The following TTLL8 variants were observed in gnomAD, a reference collection of about 807,000 sequenced individuals.
TTLL8 encodes protein monoglycylase TTLL8.
Under a neutral mutation model 77.8 loss-of-function variants are expected in TTLL8, and 65 were observed. The observed-to-expected ratio is 0.84, with a 90% CI of 0.68 to 1.03. The LOEUF is 1.03. TTLL8 is among the 50% of genes least tolerant of loss of function. The pLI is 0.00. For synonymous variants in TTLL8, 402 were observed against 422.8 expected (o/e 0.95, Z 0.60); for missense variants, 910 against 1,004.5 (o/e 0.91, Z 1.27).
rs570711350 is a variant in TTLL8 at position 50,032,123 on chromosome 22, G to T, written c.1284-14C>A. ...AGGTGGATGGCGCTGCAGGGGGGAC[G>T]AGGGGCAGGTGCTCAGCCTCCCTTG... On this transcript the variant is annotated splice_polypyrimidine_tract_variant and intron_variant, in intron 10 of 13. Coordinates refer to ENST00000266182, the Ensembl canonical transcript of TTLL8. 7.4e-7 allele frequency: 1 copy of T among 1,344,478 alleles called. No individual in the cohort carries two copies. 83.3% of individuals were successfully genotyped at this position (1,344,478 alleles called of 1,614,324 possible).
intron 3 of TTLL8, 142 bp from the exon 6 acceptor site, chr22:50,047,438 C>T (rs1254396873): frequency 1.1e-5 from 6 of 557,316 alleles, no homozygotes. Context: ...CAGTAGTGCT[C>T]CTTGTGGGCC....
intron 12 of TTLL8, among the ~76,000 whole-genome samples, chr22:50,023,575 C>T (rs2061216208): frequency 6.6e-6 from 1 of 152,104 alleles, no homozygotes. Flanking sequence ...ATCCCAGCTA[C>T]TCAGGAGGCT....
chr22:50,045,539 C>T, intron 5 of TTLL8, 150 bp from the exon 8 acceptor site: 1 of 701,912 alleles, frequency 1.4e-6, no homozygotes, highest in Admixed American at 2.7e-5. Context: ...CCCAGTCTGC[C>T]TGCCCTTCTC....
intron 6 of TTLL8, among the ~76,000 whole-genome samples, chr22:50,042,679 C>T (rs2146676650): frequency 6.6e-6 from 1 of 152,264 alleles, no homozygotes; most frequent in Admixed American, 6.5e-5. Flanking sequence ...CCTGCAATCC[C>T]AGCACTTTGG....
intron 8 of TTLL8, among the ~76,000 whole-genome samples, chr22:50,038,794 C>T (rs192594155): frequency 7.5e-4 from 114 of 151,288 alleles, no homozygotes; most frequent in South Asian, 1.7e-3. Context: ...CCTAGGTGGA[C>T]GGAGTGAGAC....
In TTLL8 at chr22:50,028,718, C is replaced by T. The variant is rs56201170; in HGVS notation, c.2203+1712G>A. On this transcript the variant is annotated intron_variant, in intron 12 of 13. Coordinates refer to ENST00000266182, the Ensembl canonical transcript of TTLL8. Reference sequence around the variant, plus strand: ...ATCACACCATCCTGAAGACCCCACACACCCTCGTAAAGACCCCATCACACC... The same window carrying T: ...ATCACACCATCCTGAAGACCCCACATACCCTCGTAAAGACCCCATCACACC... 1.0e-3 allele frequency among the ~76,000 whole-genome samples: 36 copies of T among 35,268 alleles called. 2 individuals carry two copies. Among genetic ancestry groups the T allele is most frequent in the African/African-American group, 1.5e-3 (16 of 10,980 alleles). 23.1% of individuals were successfully genotyped at this position (35,268 alleles called of 152,430 possible). A position where few individuals can be genotyped will look rare whatever the true frequency, so the allele number is the denominator to read the frequency against.
In TTLL8 at chr22:50,041,453, T is replaced by A; in HGVS notation, c.830+168A>T. On this transcript the variant is annotated intron_variant, in intron 7 of 13. Coordinates refer to ENST00000266182, the Ensembl canonical transcript of TTLL8. The surrounding 1 kb of genome is among the most constrained non-coding windows in gnomAD (Gnocchi z 4.3). ...CAATACTCAACAAGCATCCCAGACA[T>A]CCAGACAGGAGCCCCAACGCCAGGA... is the stretch of plus-strand genomic sequence containing the variant. The A allele has an allele frequency of 3.2e-6, 3 of 935,052 alleles. No individual in the cohort carries two copies. Among genetic ancestry groups the A allele is most frequent in the Non-Finnish European group, 3.8e-6 (3 of 784,432 alleles). The allele number at this position is 935,052 out of a possible 1,614,324, so 57.9% of individuals were successfully genotyped here.
intron 8 of TTLL8, among the ~76,000 whole-genome samples, chr22:50,038,549 C>T (rs1182123067): frequency 6.6e-5 from 10 of 152,272 alleles, no homozygotes; most frequent in South Asian, 4.1e-4. Context: ...TAGTCAGTCA[C>T]GCCTGTAATG....
intron 6 of TTLL8, among the ~76,000 whole-genome samples, chr22:50,043,573 A>G (rs1271927033): frequency 3.4e-5 from 5 of 147,408 alleles, no homozygotes; most frequent in East Asian, 2.0e-4. Context: ...TGGTGCCAAC[A>G]TGTTCTTCGG....
chr22:50,056,811 T>G, upstream of TTLL8: 5 of 1,289,540 alleles, frequency 3.9e-6, no homozygotes, highest in Non-Finnish European at 5.1e-6. The surrounding 1 kb of genome is among the most constrained non-coding windows in gnomAD (Gnocchi z 4.1). Context: ...CAGCACTGCC[T>G]CTGAGCCCGG....
intron 12 of TTLL8, among the ~76,000 whole-genome samples, chr22:50,025,843 G>A (rs541346422): frequency 2.0e-5 from 3 of 152,228 alleles, no homozygotes; most frequent in Admixed American, 6.5e-5. Context: ...TGAGATATCC[G>A]TACACCTACC....
upstream of TTLL8, chr22:50,057,048 G>C (rs1453329630): frequency 9.1e-7 from 1 of 1,096,974 alleles, no homozygotes; most frequent in African/African-American, 1.6e-5. Context: ...GGGTTCTGAG[G>C]CCCAAGCTGA....
At position 50,049,130 on chromosome 22, in the gene TTLL8, C is replaced by T. The variant is rs967768110; in HGVS notation, c.264+119G>A. On this transcript the variant is annotated intron_variant, in intron 3 of 13. Transcript: ENST00000266182. ...TCAAGGGGCCCTGCTGTGACTGGGG[C>T]TTTGCCCTCGCCGGGCTGCCATCCC... is the stretch of plus-strand genomic sequence containing the variant. The T allele has an allele frequency of 3.6e-5, 47 of 1,313,274 alleles. No individual in the cohort carries two copies. The African/African-American group carries it at 7.0e-4, about 20-fold the overall frequency. The allele number at this position is 1,313,274 out of a possible 1,614,324, so 81.4% of individuals were successfully genotyped here.
At chr22:50,049,067 C>G (rs1429359436) in intron 3 of TTLL8, 182 bp downstream of exon 5, 3 of 833,820 alleles carry the variant, frequency 3.6e-6, no homozygotes, top group Non-Finnish European at 4.3e-6. Context: ...CCGAAGGGCT[C>G]GCCCCACCCC....
At chr22:50,055,224 G>A, upstream of TTLL8, 2 of 1,287,674 alleles carry the variant, frequency 1.6e-6, no homozygotes, top group Non-Finnish European at 2.0e-6. Flanking sequence ...GAGTCCCAAG[G>A]AGCATTTACC....
chr22:50,021,600 T>C, intron 12 of TTLL8, among the ~76,000 whole-genome samples: 1 of 134,822 alleles, frequency 7.4e-6, no homozygotes, highest in African/African-American at 2.9e-5. Flanking sequence ...CACTCCTCCA[T>C]CTGACGACGT....
chr22:50,022,979 G>C (rs1727198990), intron 12 of TTLL8, among the ~76,000 whole-genome samples: 1 of 151,236 alleles, frequency 6.6e-6, no homozygotes, highest in Non-Finnish European at 1.5e-5. Flanking sequence ...TCAGGACAGA[G>C]TGTCCATGTA....
At chr22:50,030,970 A>AG (rs748556821) in intron 11 of TTLL8, 45 bp from the exon 13 acceptor site, 217 of 1,293,856 alleles carry the variant, frequency 1.7e-4, no homozygotes, top group Middle Eastern at 2.2e-4. Flanking sequence ...TGGCCGGGAT[A>AG]GGGGGGGTCC....
chr22:50,047,276 C>G, exon 4 of TTLL8: 3 of 1,367,616 alleles, frequency 2.2e-6, no homozygotes, highest in Non-Finnish European at 2.9e-6. Context: ...GGTACGGCAT[C>G]TCATTTTTTA....
Sources: gnomAD v4.1 joint callset for allele counts (sites outside exome capture counted in the v4.1 genomes callset) on GRCh38, gnomAD v4.1.1 for gene constraint, Gnocchi (gnomAD v3.1) non-coding constraint, MANE v1.5 for transcripts, NCBI Gene and HGNC (gene_info 2026-07-23, HGNC 2026-07-21) for gene names.